The following FHIT variants were observed in gnomAD, a reference collection of about 807,000 sequenced individuals.
FHIT encodes bis(5'-adenosyl)-triphosphatase.
In FHIT, 19 loss-of-function variants were observed where a neutral mutation model predicts 17.9. That is an observed-to-expected ratio of 1.06 (90% CI 0.74 to 1.56). The LOEUF is 1.56. Among genes scored for constraint, FHIT ranks in the 40% most tolerant of loss-of-function variants. The pLI is 0.00. For synonymous variants in FHIT, 81 were observed against 69.7 expected (o/e 1.16, Z -0.81); for missense variants, 248 against 189.2 (o/e 1.31, Z -1.82).
intron 4 of FHIT, among the ~76,000 whole-genome samples, chr3:60,688,298 AAT>A (rs1376988233): frequency 6.6e-6 from 1 of 152,198 alleles, no homozygotes; most frequent in Non-Finnish European, 1.5e-5. Flanking sequence ...TCATTCAGGT[AAT>A]ATATGGCAGT....
At chr3:60,697,655 A>G (rs991070729) in intron 4 of FHIT, among the ~76,000 whole-genome samples, 13 of 152,192 alleles carry the variant, frequency 8.5e-5, no homozygotes, top group Non-Finnish European at 1.2e-4. Context: ...TAAACCACAG[A>G]TAAAATGCAT....
At chr3:59,919,132 A>G (rs148613424) in intron 8 of FHIT, among the ~76,000 whole-genome samples, 12 of 152,296 alleles carry the variant, frequency 7.9e-5, no homozygotes, top group African/African-American at 2.6e-4. Context: ...AAACCTGAAA[A>G]TGGCGGTAAT....
At chr3:60,781,393 A>G (rs991124626) in intron 4 of FHIT, among the ~76,000 whole-genome samples, 2 of 152,206 alleles carry the variant, frequency 1.3e-5, no homozygotes, top group Non-Finnish European at 2.9e-5. Context: ...ACTCATGAAG[A>G]AACTATAGAC....
intron 4 of FHIT, among the ~76,000 whole-genome samples, chr3:60,630,697 C>G (rs1553682190): frequency 6.6e-6 from 1 of 152,142 alleles, no homozygotes; most frequent in African/African-American, 2.4e-5. Flanking sequence ...TACAGTTGAA[C>G]TTTGCCAGGA....
intron 8 of FHIT, among the ~76,000 whole-genome samples, chr3:59,801,669 C>A (rs1176869860): frequency 6.6e-6 from 1 of 152,042 alleles, no homozygotes; most frequent in East Asian, 1.9e-4. Context: ...ACCAAGCATT[C>A]GCTACGCATA....
At chr3:60,313,491 T>C (rs1709036378) in intron 5 of FHIT, among the ~76,000 whole-genome samples, 1 of 152,190 alleles carries the variant, frequency 6.6e-6, no homozygotes, top group Admixed American at 6.5e-5. Flanking sequence ...CCATCACCTA[T>C]AACTTAGATT....
At chr3:60,188,024 A>G (rs1702232262) in intron 5 of FHIT, among the ~76,000 whole-genome samples, 2 of 152,124 alleles carry the variant, frequency 1.3e-5, no homozygotes, top group Non-Finnish European at 2.9e-5. Context: ...TACATTTTCA[A>G]AATGATGCAC....
chr3:61,055,182 GAGTTTTCCTAAATCT>G (rs1332755657), intron 2 of FHIT, among the ~76,000 whole-genome samples: 1 of 152,030 alleles, frequency 6.6e-6, no homozygotes, highest in African/African-American at 2.4e-5. Context: ...GGTCTGTGTT[GAGTTTTCCTAAATCT>G]AGTAGCAAGG....
chr3:61,004,152 T>A (rs1365398040), intron 3 of FHIT, among the ~76,000 whole-genome samples: 3 of 152,002 alleles, frequency 2.0e-5, no homozygotes, highest in South Asian at 2.1e-4. Context: ...TGAAAGAAGG[T>A]GAGCACAGAT....
chr3:59,948,974 G>A (rs1380835120), intron 7 of FHIT, among the ~76,000 whole-genome samples: 1 of 152,084 alleles, frequency 6.6e-6, no homozygotes, highest in Non-Finnish European at 1.5e-5. Flanking sequence ...TTTGGGGGAT[G>A]AATGATCCTG....
intron 8 of FHIT, among the ~76,000 whole-genome samples, chr3:59,873,156 C>T (rs1324219382): frequency 2.0e-5 from 3 of 152,170 alleles, no homozygotes; most frequent in Non-Finnish European, 2.9e-5. Context: ...GTGCCCCTCA[C>T]TTGTTTCCTC....
At chr3:60,890,032 T>C (rs1005997766) in intron 3 of FHIT, among the ~76,000 whole-genome samples, 1 of 152,150 alleles carries the variant, frequency 6.6e-6, no homozygotes, top group Admixed American at 6.5e-5. Flanking sequence ...TAAAACTGTG[T>C]CAACACATGC....
At chr3:60,961,293 T>C (rs1238070676) in intron 3 of FHIT, among the ~76,000 whole-genome samples, 2 of 152,180 alleles carry the variant, frequency 1.3e-5, no homozygotes, top group Non-Finnish European at 2.9e-5. Context: ...TGTTTTTTTC[T>C]TGTAAATTTA....
intron 3 of FHIT, among the ~76,000 whole-genome samples, chr3:61,036,922 G>GTTTTTTTTTTTTTTTTT (rs1360637156): frequency 1.0e-5 from 1 of 96,342 alleles, no homozygotes; most frequent in African/African-American, 4.0e-5. Context: ...TTGTTTGTTT[G>GTTTTTTTTTTTTTTTTT]TTTTTTTGAG....
intron 5 of FHIT, among the ~76,000 whole-genome samples, chr3:60,507,849 T>A (rs374567393): frequency 6.5e-4 from 99 of 152,324 alleles, no homozygotes; most frequent in African/African-American, 2.2e-3. Context: ...GTAAAGGACA[T>A]GATTTCATTC....
chr3:60,783,608 T>C (rs1700468010), intron 4 of FHIT, among the ~76,000 whole-genome samples: 1 of 152,194 alleles, frequency 6.6e-6, no homozygotes. Context: ...GGGAAATGAA[T>C]TTTAAGGAAA....
Position 59,961,539 on chromosome 3 carries a change from G to A in FHIT, c.280-39125C>T, listed in dbSNP as rs186549767. ...GTGCTTGAAATCCAGGACCCCACTGGTGTAGGCATCTGTGGGGAATCTCCT... is the reference window on the plus strand; with the variant it reads ...GTGCTTGAAATCCAGGACCCCACTGATGTAGGCATCTGTGGGGAATCTCCT... On this transcript the variant is annotated intron_variant, in intron 7 of 9. Coordinates refer to ENST00000492590, the MANE Select transcript of FHIT (RefSeq NM_002012.4). Among the ~76,000 whole-genome samples, 238 of 152,274 alleles carry A rather than the reference G, an allele frequency of 1.6e-3. 5 individuals carry two copies. Among genetic ancestry groups the A allele is most frequent in the Admixed American group, 0.013 (200 of 15,298 alleles).
rs879914975 is a variant in FHIT at position 59,748,080 on chromosome 3, T to G, written c.*1505A>C. On this transcript the variant is annotated 3_prime_UTR_variant, in exon 10 of 10. Transcript: ENST00000492590. ...CACTTTTTAACACAGAGACTGAATC[T>G]CACTCCTAGTTGCTAAGGCAAGCAA... 3.3e-5 allele frequency among the ~76,000 whole-genome samples: 5 copies of G among 152,170 alleles called. No homozygotes were observed. The highest frequency in any genetic ancestry group is 5.9e-5 in the Non-Finnish European group (4 of 68,036).
intron 5 of FHIT, among the ~76,000 whole-genome samples, chr3:60,275,445 C>T (rs546944575): frequency 6.6e-6 from 1 of 152,272 alleles, no homozygotes; most frequent in Admixed American, 6.5e-5. Flanking sequence ...CCTAATTTAT[C>T]CATTTTGAGC....
Sources: gnomAD v4.1 joint callset for allele counts (sites outside exome capture counted in the v4.1 genomes callset) on GRCh38, gnomAD v4.1.1 for gene constraint, MANE v1.5 for transcripts, NCBI Gene and HGNC (gene_info 2026-07-23, HGNC 2026-07-21) for gene names.